The following EPCAM variants were observed in gnomAD, a reference collection of about 807,000 sequenced individuals.
EPCAM encodes the protein epithelial cell adhesion molecule.
A neutral mutation model predicts 40.0 loss-of-function variants in EPCAM; 39 were observed. The observed-to-expected ratio is 0.98, with a 90% CI of 0.76 to 1.27. The LOEUF is 1.27. EPCAM is among the 50% of genes most tolerant of loss of function. The pLI, the probability that EPCAM is intolerant of heterozygous loss-of-function variation, is 0.00. For synonymous variants in EPCAM, 168 were observed against 132.3 expected, an observed-to-expected ratio of 1.27 and a Z score of -1.85; for missense variants, 503 against 381.2, an observed-to-expected ratio of 1.32 and a Z score of -2.66.
chr2:47,381,809 C>T (rs1338118250), intron 7 of EPCAM, among the ~76,000 whole-genome samples: 2 of 152,164 alleles, frequency 1.3e-5, no homozygotes, highest in African/African-American at 2.4e-5. Flanking sequence ...CTGTGTCACC[C>T]AGGCTGGAGT....
chr2:47,384,507 G>C (rs1031035942), intron 7 of EPCAM, among the ~76,000 whole-genome samples: 1 of 151,238 alleles, frequency 6.6e-6, no homozygotes. Context: ...TCTGCCTCTC[G>C]GGTTCAAGTG....
At position 47,373,512 on chromosome 2, in the gene EPCAM, T is replaced by C. The variant is rs1266889374; in HGVS notation, c.126T>C (p.Asn42=). 3 of 1,613,910 alleles carry C rather than the reference T, an allele frequency of 1.9e-6. No homozygotes were observed. The Admixed American group carries it at 5.0e-5, about 27-fold the overall frequency. ...YKLAVNCFVN[N]NRQCQCTSVG... is the part of the protein sequence containing the mutation. Reference sequence around the variant, plus strand: ...TGGCCGTAAACTGCTTTGTGAATAATAATCGTCAATGCCAGTGTACTTCAG... The same window carrying C: ...TGGCCGTAAACTGCTTTGTGAATAACAATCGTCAATGCCAGTGTACTTCAG... Residue 42 remains asparagine (N), a synonymous_variant, in exon 2 of 9, where the codon AAT becomes AAC. Transcript: ENST00000263735.
chr2:47,370,881 A>T (rs1035728655), intron 1 of EPCAM, among the ~76,000 whole-genome samples: 3 of 151,512 alleles, frequency 2.0e-5, no homozygotes, highest in Non-Finnish European at 4.4e-5. Context: ...ACGGTCAGCT[A>T]ATTTGTATTT....
intron 5 of EPCAM, chr2:47,377,633 A>T (rs1239345645): frequency 3.5e-6 from 1 of 288,236 alleles, no homozygotes; most frequent in Non-Finnish European, 7.1e-6. Context: ...TCCCTAAAAC[A>T]TTTGAGTTTT....
chr2:47,378,226 C>T (rs1163517520), intron 5 of EPCAM, among the ~76,000 whole-genome samples: 2 of 151,708 alleles, frequency 1.3e-5, no homozygotes, highest in African/African-American at 2.4e-5. Flanking sequence ...AGCAAGACTC[C>T]GTCTCAAAAA....
chr2:47,371,584 A>G (rs900245261), intron 1 of EPCAM, among the ~76,000 whole-genome samples: 4 of 152,210 alleles, frequency 2.6e-5, no homozygotes, highest in African/African-American at 7.2e-5. Flanking sequence ...TCTGGCTTCA[A>G]TCTGGGACTA....
intron 7 of EPCAM, among the ~76,000 whole-genome samples, chr2:47,381,618 T>C (rs1325112169): frequency 6.6e-6 from 1 of 152,108 alleles, no homozygotes; most frequent in Non-Finnish European, 1.5e-5. Flanking sequence ...CGTTGGGCAG[T>C]GTATCCATTT....
chr2:47,382,908 C>G (rs951722961), intron 7 of EPCAM, among the ~76,000 whole-genome samples: 3 of 151,992 alleles, frequency 2.0e-5, no homozygotes, highest in Non-Finnish European at 2.9e-5. Context: ...GACCCCAAAA[C>G]TTAGATGCAT....
Position 47,385,225 on chromosome 2 carries a change from T to C in EPCAM, c.903+15T>C, listed in dbSNP as rs1558441304. 6.2e-7 allele frequency: 1 copy of C among 1,606,714 alleles called. No homozygotes were observed. Among genetic ancestry groups the C allele is most frequent in the East Asian group, 2.2e-5 (1 of 44,754 alleles). ...AGAAGGCTGAGGTAAATGGATTACT[T>C]ACCTAAATAGAAAGGCCCTGTTGAA... On this transcript the variant is annotated intron_variant, in intron 8 of 8. Coordinates refer to ENST00000263735, the MANE Select transcript of EPCAM (RefSeq NM_002354.3).
In EPCAM at chr2:47,383,616, T is replaced by C. The variant is rs1435381682; in HGVS notation, c.859-1550T>C. Among the ~76,000 whole-genome samples the C allele has an allele frequency of 1.7e-3, 77 of 44,934 alleles. 2 individuals carry two copies. The highest frequency in any genetic ancestry group is 6.4e-3 in the African/African-American group (50 of 7,764). 29.5% of individuals were successfully genotyped at this position (44,934 alleles called of 152,430 possible). ...CTGTGCCCGGCTTCTTCTTTTTTTT[T>C]TTTTTTTTTTTTTTTTTTTTTTTTT... On this transcript the variant is annotated intron_variant, in intron 7 of 8. Coordinates refer to ENST00000263735, the MANE Select transcript of EPCAM (RefSeq NM_002354.3).
chr2:47,371,867 A>C (rs536898605), intron 1 of EPCAM, among the ~76,000 whole-genome samples: 2 of 152,300 alleles, frequency 1.3e-5, no homozygotes, highest in South Asian at 4.1e-4. Context: ...ATTGAAATCA[A>C]CTTAGGGTAC....
chr2:47,385,103 C>A (rs2103768262), intron 7 of EPCAM, 63 bp from the exon 8 acceptor site: 1 of 1,205,304 alleles, frequency 8.3e-7, no homozygotes, highest in Non-Finnish European at 1.2e-6. Flanking sequence ...GCATATATGT[C>A]TGTTTAGATA....
rs374696319 is a variant in EPCAM, at chr2:47,369,846, C to T, written c.76+265C>T. On this transcript the variant is annotated intron_variant, in intron 1 of 8. Transcript: ENST00000263735. ...GCCTTGGGCGGAGGCGGGGGACAGG[C>T]AGGGAACGGAGTGGCCACGTCCAGG... The T allele has an allele frequency of 2.5e-4, 152 of 605,626 alleles. No individual in the cohort carries two copies. In the East Asian group the frequency reaches 4.3e-3, roughly 17 times the overall value. The allele number at this position is 605,626 out of a possible 1,614,324, so 37.5% of individuals were successfully genotyped here. A position where few individuals can be genotyped will look rare whatever the true frequency, so the allele number is the denominator to read the frequency against.
At chr2:47,385,348 C>G (rs1299068633) in intron 8 of EPCAM, 138 bp downstream of exon 8, 1 of 739,566 alleles carries the variant, frequency 1.4e-6, no homozygotes, top group African/African-American at 1.7e-5. Context: ...TAGGGACAGT[C>G]TTAGAATGTA....
rs776309672 is a variant in EPCAM, at chr2:47,385,161, C to G, written c.859-5C>G. 1.2e-6 allele frequency: 2 copies of G among 1,610,454 alleles called. No homozygotes were observed. Among genetic ancestry groups the G allele is most frequent in the South Asian group, 1.1e-5 (1 of 91,008 alleles). On this transcript the variant is annotated splice_polypyrimidine_tract_variant and splice_region_variant and intron_variant, in intron 7 of 8. Transcript: ENST00000263735. ...TAAAACAATAGTTGTCTTTCTTCCACTCAGGTTATTTCCAGAAAGAAGAGA... is the reference window on the plus strand; with the variant it reads ...TAAAACAATAGTTGTCTTTCTTCCAGTCAGGTTATTTCCAGAAAGAAGAGA...
chr2:47,373,732 TTTAGAG>T (rs1262298439), intron 2 of EPCAM, 70 bp from the exon 3 acceptor site: 11 of 1,593,270 alleles, frequency 6.9e-6, no homozygotes, highest in South Asian at 4.5e-5. Context: ...ACCCTGGAAC[TTTAGAG>T]TTAATTTTTT....
rs369770948 is a variant in EPCAM, at chr2:47,379,999, A to G, written c.858+30A>G. ...GTACAGAACAAGTAAAATTTCATTT[A>G]AGGGTATATTTTTTCAAGAAAAAGT... On this transcript the variant is annotated intron_variant, in intron 7 of 8. Coordinates refer to ENST00000263735, the MANE Select transcript of EPCAM (RefSeq NM_002354.3). The G allele has an allele frequency of 1.0e-5, 16 of 1,582,656 alleles. No homozygotes were observed. The Middle Eastern group carries it at 5.0e-4, about 49-fold the overall frequency.
At chr2:47,385,318 T>A (rs570960657) in intron 8 of EPCAM, 108 bp downstream of exon 8, 6 of 909,398 alleles carry the variant, frequency 6.6e-6, no homozygotes, top group African/African-American at 4.9e-5. Context: ...AGTCCCTTTA[T>A]ACTGTTGTCT....
At chr2:47,369,911 C>T in intron 1 of EPCAM, 1 of 445,106 alleles carries the variant, frequency 2.2e-6, no homozygotes, top group Non-Finnish European at 4.3e-6. Flanking sequence ...CGCCCTGGCG[C>T]ACCCACGTCC....
Sources: gnomAD v4.1 joint callset for allele counts (sites outside exome capture counted in the v4.1 genomes callset) on GRCh38, gnomAD v4.1.1 for gene constraint, MANE v1.5 for transcripts, NCBI Gene and HGNC (gene_info 2026-07-23, HGNC 2026-07-21) for gene names.